The following TG variants were observed in gnomAD, a reference collection of about 807,000 sequenced individuals.
TG encodes thyroid hormones.
Under a neutral mutation model 324.7 loss-of-function variants are expected in TG, and 270 were observed. The ratio of observed to expected loss-of-function variants is 0.83; its 90% CI spans 0.75 to 0.92. The LOEUF (loss-of-function observed/expected upper bound fraction) is 0.92, where lower values mean the gene tolerates loss of function less well. Ranked by LOEUF, TG falls within the 40% of genes least tolerant of loss-of-function variation. TG has a pLI of 0.00. For missense variants in TG, 3,591 were observed against 3,456.4 expected, an observed-to-expected ratio of 1.04 and a Z score of -0.98; for synonymous variants, 1,401 against 1,327.0, an observed-to-expected ratio of 1.06 and a Z score of -1.21.
chr8:132,965,796 A>T lies in TG; in HGVS notation c.5549-764A>T, dbSNP rs564294626. Among the ~76,000 whole-genome samples the T allele has an allele frequency of 3.3e-5, 5 of 152,346 alleles. No homozygotes were observed. The South Asian group carries it at 1.0e-3, about 32-fold the overall frequency. On this transcript the variant is annotated intron_variant, in intron 29 of 47. Coordinates refer to ENST00000220616, the MANE Select transcript of TG (RefSeq NM_003235.5). ...GAGCAATTGCATGGGGACTGCAAAC[A>T]GTGTGGTGATGAGCTAGAGTTAGCA...
intron 43 of TG, among the ~76,000 whole-genome samples, chr8:133,107,493 C>T (rs1427339247): frequency 6.6e-6 from 1 of 152,212 alleles, no homozygotes; most frequent in Non-Finnish European, 1.5e-5. Flanking sequence ...TCAGCACATG[C>T]AGTCACACGG....
chr8:132,942,750 T>G (rs2129943592), intron 26 of TG, among the ~76,000 whole-genome samples: 1 of 152,276 alleles, frequency 6.6e-6, no homozygotes, highest in Admixed American at 6.5e-5. Flanking sequence ...GGTAGAGACG[T>G]AGAAGTCTTG....
At chr8:132,973,504 A>G (rs1829804538) in intron 34 of TG, among the ~76,000 whole-genome samples, 1 of 152,196 alleles carries the variant, frequency 6.6e-6, no homozygotes, top group African/African-American at 2.4e-5. Flanking sequence ...GAGCTCCTGG[A>G]CTCAGATAAG....
chr8:132,901,437 A>C lies in TG; in HGVS notation c.3518A>C (p.Asp1173Ala), dbSNP rs200377204. The C allele has an allele frequency of 2.5e-6, 4 of 1,614,216 alleles. No individual in the cohort carries two copies. Among genetic ancestry groups the C allele is most frequent in the Non-Finnish European group, 3.4e-6 (4 of 1,180,042 alleles). ...PGYVPACRAEDGGFSPVQCDQ... is the reference protein window; with the variant it reads ...PGYVPACRAEAGGFSPVQCDQ... ...TATGTCCCAGCCTGCAGGGCAGAGGATGGGGGCTTTTCCCCAGTGCAATGT... is the reference window on the plus strand; with the variant it reads ...TATGTCCCAGCCTGCAGGGCAGAGGCTGGGGGCTTTTCCCCAGTGCAATGT... The change falls in exon 16 of 48, where the codon GAT (aspartate) becomes GCT (alanine). Residue 1173 changes from aspartate (D) to alanine (A), a missense_variant. Coordinates refer to ENST00000220616, the MANE Select transcript of TG (RefSeq NM_003235.5).
At chr8:132,965,624 T>C (rs1269519998) in intron 29 of TG, among the ~76,000 whole-genome samples, 1 of 152,222 alleles carries the variant, frequency 6.6e-6, no homozygotes, top group Non-Finnish European at 1.5e-5. Context: ...GCCTGGGTGT[T>C]GGGGTCCTTG....
intron 26 of TG, among the ~76,000 whole-genome samples, chr8:132,943,973 G>C (rs1315720661): frequency 6.6e-6 from 1 of 152,164 alleles, no homozygotes; most frequent in East Asian, 1.9e-4. Flanking sequence ...TTGTGGGTCT[G>C]TGTTCTGGGT....
intron 41 of TG, among the ~76,000 whole-genome samples, chr8:133,055,331 C>T (rs1460670987): frequency 2.0e-5 from 3 of 151,260 alleles, no homozygotes; most frequent in African/African-American, 7.3e-5. Context: ...GCCTGACTTT[C>T]AGTGTCATCT....
In TG at chr8:133,050,548, A is replaced by G. The variant is rs1840211568; in HGVS notation, c.7239+20525A>G. The G allele has an allele frequency of 1.8e-5, 7 of 380,432 alleles. 1 individual carries two copies. The East Asian group carries it at 2.9e-4, about 16-fold the overall frequency. 23.6% of individuals were successfully genotyped at this position (380,432 alleles called of 1,614,324 possible). On this transcript the variant is annotated intron_variant, in intron 41 of 47. Coordinates refer to ENST00000220616, the MANE Select transcript of TG (RefSeq NM_003235.5). ...GCACATGTGGTGGGAGATAAGAAGA[A>G]TATGAGAAGAGGCTGGATCATAAAG...
intron 5 of TG, 110 bp from the exon 6 acceptor site, chr8:132,881,753 G>A: frequency 2.6e-6 from 2 of 783,128 alleles, no homozygotes; most frequent in Non-Finnish European, 2.3e-6. Flanking sequence ...TGATAAGAAA[G>A]TAGACATTCC....
In TG at chr8:132,928,150, CT is replaced by C. The variant is rs1359598688; in HGVS notation, c.4700-925del. ...TTTTTTTCTGCACTTATTATGAAAGCTGAGAAAAAATCACTTTGGATGGCCT... is the reference window on the plus strand; with the variant it reads ...TTTTTTTCTGCACTTATTATGAAAGCGAGAAAAAATCACTTTGGATGGCCT... On this transcript the variant is annotated intron_variant, in intron 22 of 47. Coordinates refer to ENST00000220616, the MANE Select transcript of TG (RefSeq NM_003235.5). Among the ~76,000 whole-genome samples, 9 of 152,246 alleles carry C rather than the reference CT, an allele frequency of 5.9e-5. No individual in the cohort carries two copies. The East Asian group carries it at 1.5e-3, about 26-fold the overall frequency.
intron 26 of TG, among the ~76,000 whole-genome samples, chr8:132,945,577 T>C (rs1825130779): frequency 6.6e-6 from 1 of 152,164 alleles, no homozygotes; most frequent in Non-Finnish European, 1.5e-5. Context: ...GAGATATAAA[T>C]GTGTAAATTA....
chr8:133,057,079 C>G (rs1054384168), intron 41 of TG, among the ~76,000 whole-genome samples: 2 of 152,046 alleles, frequency 1.3e-5, no homozygotes, highest in South Asian at 2.1e-4. Flanking sequence ...CTTCCTTCCC[C>G]GAGCCCCACC....
rs933947048 is a variant in TG at position 132,908,144 on chromosome 8, A to G, written c.3848-42A>G. 25 of 1,610,614 alleles carry G rather than the reference A, an allele frequency of 1.6e-5. No individual in the cohort carries two copies. In the Middle Eastern group the frequency reaches 1.5e-3, roughly 95 times the overall value. On this transcript the variant is annotated intron_variant, in intron 17 of 47. Coordinates refer to ENST00000220616, the MANE Select transcript of TG (RefSeq NM_003235.5). ...AATCCCAAACAAAGAAAATAACTCT[A>G]CAGGCCCATTGCCTCTGCTGATCTC...
At chr8:132,903,357 A>G (rs1818200816) in intron 16 of TG, among the ~76,000 whole-genome samples, 1 of 152,158 alleles carries the variant, frequency 6.6e-6, no homozygotes, top group African/African-American at 2.4e-5. Flanking sequence ...GAAGTCTAGG[A>G]AGATTCCTAA....
chr8:132,972,164 C>T (rs558887185), intron 33 of TG: 98 of 473,530 alleles, frequency 2.1e-4, no homozygotes, highest in African/African-American at 1.6e-3. Context: ...AGCAGCTTGG[C>T]GAACTTTGGA....
chr8:133,021,602 A>G (rs1003094285), intron 39 of TG, among the ~76,000 whole-genome samples: 4 of 152,232 alleles, frequency 2.6e-5, no homozygotes, highest in Non-Finnish European at 5.9e-5. Flanking sequence ...CAGAAGTCCA[A>G]GATCAAGGTG....
chr8:133,026,227 G>T (rs1042957066), intron 40 of TG, among the ~76,000 whole-genome samples: 1 of 152,192 alleles, frequency 6.6e-6, no homozygotes, highest in Non-Finnish European at 1.5e-5. Flanking sequence ...AGCATCTGCT[G>T]CTGTATCCCA....
intron 37 of TG, among the ~76,000 whole-genome samples, chr8:133,014,949 A>G (rs948658607): frequency 2.6e-5 from 4 of 152,132 alleles, no homozygotes; most frequent in African/African-American, 9.7e-5. Context: ...GCAGTTGCAC[A>G]ATCTCGGGTC....
rs185097953 is a variant in TG, at chr8:132,919,304, C to T, written c.4379-72C>T. ...AACTGGTTTGAGGATTTTCTTTACC[C>T]TGTGTGTTCTGGGATTGTAACTGTG... On this transcript the variant is annotated intron_variant, in intron 20 of 47. Coordinates refer to ENST00000220616, the MANE Select transcript of TG (RefSeq NM_003235.5). 225 of 1,509,542 alleles carry T rather than the reference C, an allele frequency of 1.5e-4. No individual in the cohort carries two copies. The African/African-American group carries it at 2.5e-3, about 17-fold the overall frequency. The allele number at this position is 1,509,542 out of a possible 1,614,324, so 93.5% of individuals were successfully genotyped here. A position where few individuals can be genotyped will look rare whatever the true frequency, so the allele number is the denominator to read the frequency against.
Sources: gnomAD v4.1 joint callset for allele counts (sites outside exome capture counted in the v4.1 genomes callset) on GRCh38, gnomAD v4.1.1 for gene constraint, MANE v1.5 for transcripts, NCBI Gene and HGNC (gene_info 2026-07-23, HGNC 2026-07-21) for gene names.